Variants in MADD observed in about 807,000 individuals in gnomAD.
The protein encoded by MADD is MAP kinase-activating death domain protein.
A neutral mutation model predicts 176.7 loss-of-function variants in MADD; 109 were observed. That is an observed-to-expected ratio of 0.62 (90% confidence interval 0.53 to 0.72). MADD has a LOEUF of 0.72. Among genes scored for constraint, MADD ranks in the 30% least tolerant of loss-of-function variants. The pLI, the probability that MADD is intolerant of heterozygous loss-of-function variation, is 0.00. For synonymous variants in MADD, 771 were observed against 771.3 expected (o/e 1.00, Z 0.01); for missense variants, 1,914 against 2,045.5 (o/e 0.94, Z 1.24).
exon 3 of MADD, chr11:47,275,046 C>T (rs2048404760): frequency 6.2e-7 from 1 of 1,614,294 alleles, no homozygotes; most frequent in Non-Finnish European, 8.5e-7. Flanking sequence ...TGCTCAGCCA[C>T]TACCCTTTCT....
intron 27 of MADD, among the ~76,000 whole-genome samples, chr11:47,320,510 G>A (rs1314549926): frequency 6.6e-6 from 1 of 151,994 alleles, no homozygotes; most frequent in Non-Finnish European, 1.5e-5. Flanking sequence ...ATTAGGCCAA[G>A]CATGTTGGCT....
intron 22 of MADD, 109 bp downstream of exon 24, chr11:47,296,164 G>A (rs2071531583): frequency 1.6e-6 from 2 of 1,275,972 alleles, no homozygotes; most frequent in African/African-American, 1.5e-5. Context: ...GTTAAATAAG[G>A]AAGAGGTAAT....
chr11:47,302,970 T>C (rs1593906866), intron 22 of MADD, among the ~76,000 whole-genome samples: 1 of 152,314 alleles, frequency 6.6e-6, no homozygotes, highest in East Asian at 1.9e-4. Flanking sequence ...TTATCATCTT[T>C]TTACTTCCAG....
At chr11:47,308,604 G>C (rs770539165) in exon 23 of MADD, 22 of 1,613,808 alleles carry the variant, frequency 1.4e-5, no homozygotes, top group Non-Finnish European at 1.6e-5. Flanking sequence ...AAAGCCCACA[G>C]CTTGAAGCCA....
At chr11:47,328,580 G>A (rs939922654) in intron 31 of MADD, 78 bp from the exon 36 acceptor site, 7 of 1,601,666 alleles carry the variant, frequency 4.4e-6, no homozygotes, top group East Asian at 4.5e-5. Flanking sequence ...GACGCCGGGC[G>A]CTGCCGCCTG....
At chr11:47,298,532 T>C (rs958647045) in intron 22 of MADD, among the ~76,000 whole-genome samples, 3 of 152,246 alleles carry the variant, frequency 2.0e-5, no homozygotes, top group African/African-American at 7.2e-5. Context: ...ATAGATTATT[T>C]GTGTTTTTTT....
At chr11:47,302,935 C>T (rs964357193) in intron 22 of MADD, among the ~76,000 whole-genome samples, 1 of 152,036 alleles carries the variant, frequency 6.6e-6, no homozygotes, top group Admixed American at 6.6e-5. Flanking sequence ...GGATTTCATA[C>T]TTTTGTGTAT....
At chr11:47,295,972 G>A (rs759601036) in exon 22 of MADD, 2 of 1,614,064 alleles carry the variant, frequency 1.2e-6, no homozygotes, top group Admixed American at 1.7e-5. Context: ...ACCAGGTGGC[G>A]AGGGCAGTGT....
intron 8 of MADD, 112 bp from the exon 9 acceptor site, chr11:47,282,269 C>T (rs918920320): frequency 1.3e-6 from 1 of 756,742 alleles, no homozygotes; most frequent in African/African-American, 1.7e-5. Flanking sequence ...ATATCTCTCC[C>T]CTTGATGTTG....
intron 27 of MADD, among the ~76,000 whole-genome samples, chr11:47,321,128 T>C (rs1056734615): frequency 2.6e-5 from 4 of 152,210 alleles, no homozygotes; most frequent in African/African-American, 9.6e-5. Flanking sequence ...CTTAGACGAC[T>C]ATAACAGTAT....
chr11:47,303,953 TC>T (rs2080245728), intron 22 of MADD, among the ~76,000 whole-genome samples: 1 of 152,142 alleles, frequency 6.6e-6, no homozygotes, highest in Non-Finnish European at 1.5e-5. Flanking sequence ...CTTTTGAGCT[TC>T]CTGGATCTGG....
chr11:47,311,947 T>G, intron 26 of MADD, 105 bp downstream of exon 29: 1 of 662,832 alleles, frequency 1.5e-6, no homozygotes, highest in African/African-American at 1.8e-5. Flanking sequence ...CAGTTGTCTT[T>G]GACTGTAAAT....
intron 25 of MADD, 136 bp from the exon 29 acceptor site, chr11:47,311,596 C>T (rs1231182724): frequency 1.1e-5 from 7 of 624,494 alleles, no homozygotes; most frequent in African/African-American, 7.3e-5. Context: ...AAAGTTTTCT[C>T]CCATGTTCAG....
chr11:47,310,907 CAAA>C (rs34331746), intron 25 of MADD, among the ~76,000 whole-genome samples: 10 of 131,068 alleles, frequency 7.6e-5, no homozygotes, highest in Admixed American at 7.8e-5. Context: ...AAATCCATCT[CAAA>C]AAAAAAAAAA....
At chr11:47,298,187 T>G (rs758953929) in intron 22 of MADD, among the ~76,000 whole-genome samples, 3 of 152,256 alleles carry the variant, frequency 2.0e-5, no homozygotes, top group Non-Finnish European at 4.4e-5. Context: ...CTGTTTACTT[T>G]TAGATGCTTT....
At position 47,279,085 on chromosome 11, in the gene MADD, T is replaced by G. The variant is rs755196758; in HGVS notation, c.1290+6T>G. ...TGAAAAAGCATTTAAAGCAGGTAGG[T>G]GAAGAACGAAGGAAAGAAAGGGGAG... On this transcript the variant is annotated splice_donor_region_variant and intron_variant, in intron 7 of 32. Coordinates refer to ENST00000402192, the Ensembl canonical transcript of MADD. 12 of 1,613,350 alleles carry G rather than the reference T, an allele frequency of 7.4e-6. No individual in the cohort carries two copies. Among genetic ancestry groups the G allele is most frequent in the Admixed American group, 1.7e-5 (1 of 59,974 alleles).
chr11:47,295,037 G>T (rs1379168281), intron 20 of MADD, among the ~76,000 whole-genome samples: 1 of 151,284 alleles, frequency 6.6e-6, no homozygotes, highest in Non-Finnish European at 1.5e-5. Flanking sequence ...TTGAGACAGG[G>T]TCTCATTCTG....
intron 5 of MADD, among the ~76,000 whole-genome samples, chr11:47,277,433 C>T (rs911390212): frequency 3.9e-5 from 6 of 152,314 alleles, no homozygotes; most frequent in African/African-American, 1.4e-4. Flanking sequence ...GCTGGGATTA[C>T]AGGCACTGCC....
chr11:47,311,911 A>G, intron 26 of MADD, 69 bp downstream of exon 29: 1 of 937,526 alleles, frequency 1.1e-6, no homozygotes, highest in Non-Finnish European at 1.7e-6. Context: ...CTTGCAGTCC[A>G]GTTCACCCCG....
Sources: gnomAD v4.1 joint callset for allele counts (sites outside exome capture counted in the v4.1 genomes callset) on GRCh38, gnomAD v4.1.1 for gene constraint, MANE v1.5 for transcripts, NCBI Gene and HGNC (gene_info 2026-07-23, HGNC 2026-07-21) for gene names.